BFSP2: variants seen among roughly 807,000 people sequenced by gnomAD.
BFSP2 encodes the protein phakinin.
In BFSP2, 38 loss-of-function variants were observed where a neutral mutation model predicts 44.9. The ratio of observed to expected loss-of-function variants is 0.85; its 90% CI spans 0.65 to 1.11. The LOEUF is 1.11. Among genes scored for constraint, BFSP2 ranks in the 50% least tolerant of loss-of-function variants. The probability of loss-of-function intolerance (pLI) is 0.00; values close to 1 mark genes in which losing one functional copy is unlikely to be tolerated. For synonymous variants in BFSP2, 197 were observed against 209.9 expected (o/e 0.94, Z 0.53); for missense variants, 525 against 533.0 (o/e 0.99, Z 0.15).
intron 5 of BFSP2, among the ~76,000 whole-genome samples, chr3:133,469,764 G>A (rs2074144961): frequency 6.6e-6 from 1 of 152,238 alleles, no homozygotes; most frequent in Admixed American, 6.5e-5. Flanking sequence ...CAGGGACTTA[G>A]GTGGGGAAGC....
intron 1 of BFSP2, among the ~76,000 whole-genome samples, chr3:133,426,064 T>C (rs2107899653): frequency 8.1e-6 from 1 of 123,044 alleles, no homozygotes; most frequent in Non-Finnish European, 1.8e-5. Context: ...TGTCAGATAT[T>C]GTTTTAAGTT....
At chr3:133,409,593 G>T (rs1284871719) in intron 1 of BFSP2, among the ~76,000 whole-genome samples, 1 of 152,092 alleles carries the variant, frequency 6.6e-6, no homozygotes, top group Non-Finnish European at 1.5e-5. Context: ...CAGGTTCGAG[G>T]ATAGGAAATA....
intron 1 of BFSP2, among the ~76,000 whole-genome samples, chr3:133,438,485 A>C (rs552130562): frequency 6.6e-6 from 1 of 152,300 alleles, no homozygotes; most frequent in South Asian, 2.1e-4. Context: ...CAGTGAGCTG[A>C]GATCACACCA....
rs542874414 is a variant in BFSP2, at chr3:133,422,210, A to G, written c.489+21638A>G. Among the ~76,000 whole-genome samples the G allele has an allele frequency of 4.6e-5, 7 of 151,974 alleles. No homozygotes were observed. In the East Asian group the frequency reaches 5.8e-4, roughly 13 times the overall value. On this transcript the variant is annotated intron_variant, in intron 1 of 6. Transcript: ENST00000302334. ...GAGAGTCCAAGAGAATGCTGTTCAT[A>G]TAGTAGAAACACAGTAAATGCCACT... is the stretch of plus-strand genomic sequence containing the variant.
rs1314574613 is a variant in BFSP2 at position 133,424,223 on chromosome 3, T to G, written c.490-23094T>G. On this transcript the variant is annotated intron_variant, in intron 1 of 6. Transcript: ENST00000302334. ...ACCGCGTCCAGCTAATTTTTTTTTTTTTTTTTTTTTTTTTTTTTGTATTTT... is the reference window on the plus strand; with the variant it reads ...ACCGCGTCCAGCTAATTTTTTTTTTGTTTTTTTTTTTTTTTTTTGTATTTT... 2.9e-3 allele frequency among the ~76,000 whole-genome samples: 302 copies of G among 103,914 alleles called. 8 individuals are homozygous for G. The highest frequency in any genetic ancestry group is 0.017 in the African/African-American group (288 of 16,950). 68.2% of individuals were successfully genotyped at this position (103,914 alleles called of 152,430 possible). A position where few individuals can be genotyped will look rare whatever the true frequency, so the allele number is the denominator to read the frequency against.
Position 133,450,255 on chromosome 3 carries a change from A to G in BFSP2, c.730-48A>G, listed in dbSNP as rs764361624. On this transcript the variant is annotated intron_variant, in intron 3 of 6. Transcript: ENST00000302334. The stretch of plus-strand genomic sequence containing the variant: ...TTTCTGCTGGCTAGAATTCTATGCC[A>G]TTTATTTCCCCCCGTAACTCATCTA... 5.0e-6 allele frequency: 8 copies of G among 1,607,158 alleles called. No individual in the cohort carries two copies. In the East Asian group the frequency reaches 1.6e-4, roughly 31 times the overall value.
chr3:133,462,237 C>T (rs1576595683), intron 4 of BFSP2, among the ~76,000 whole-genome samples: 1 of 134,162 alleles, frequency 7.5e-6, no homozygotes. Flanking sequence ...ATTTTAAACA[C>T]GTTTATTTGT....
intron 1 of BFSP2, among the ~76,000 whole-genome samples, chr3:133,417,446 C>T (rs1392048179): frequency 8.3e-6 from 1 of 121,138 alleles, no homozygotes; most frequent in African/African-American, 3.2e-5. Context: ...CACCCTCATC[C>T]TCTCCTCTCT....
At chr3:133,432,708 C>G (rs975033130) in intron 1 of BFSP2, among the ~76,000 whole-genome samples, 4 of 152,142 alleles carry the variant, frequency 2.6e-5, no homozygotes, top group African/African-American at 4.8e-5. Flanking sequence ...CATCGGTTAC[C>G]TACCTCGGCA....
chr3:133,424,217 T>A (rs1209161513), intron 1 of BFSP2, among the ~76,000 whole-genome samples: 33 of 99,114 alleles, frequency 3.3e-4, no homozygotes, highest in African/African-American at 1.5e-3. Context: ...AGCTAATTTT[T>A]TTTTTTTTTT....
At chr3:133,414,828 G>C in intron 1 of BFSP2, among the ~76,000 whole-genome samples, 1 of 42,722 alleles carries the variant, frequency 2.3e-5, no homozygotes. Context: ...TACCACGTCT[G>C]CTCTATTCAC....
chr3:133,462,036 G>A (rs6790868), intron 4 of BFSP2, among the ~76,000 whole-genome samples: 18,600 of 144,574 alleles, frequency 0.13, 1,179 homozygotes, highest in East Asian at 0.24. Flanking sequence ...TTTCTGCAGC[G>A]ATCTAGAATT....
At chr3:133,422,268 ACC>A (rs2073600339) in intron 1 of BFSP2, among the ~76,000 whole-genome samples, 1 of 152,076 alleles carries the variant, frequency 6.6e-6, no homozygotes, top group South Asian at 2.1e-4. Flanking sequence ...AAGTTACTCC[ACC>A]TCTCTCAGCC....
intron 1 of BFSP2, among the ~76,000 whole-genome samples, chr3:133,431,902 T>C (rs2073725125): frequency 6.6e-6 from 1 of 152,162 alleles, no homozygotes; most frequent in African/African-American, 2.4e-5. Context: ...CTTTAAATTA[T>C]CTGCTTCCCT....
intron 1 of BFSP2, among the ~76,000 whole-genome samples, chr3:133,437,046 A>G (rs2073792219): frequency 6.6e-6 from 1 of 152,238 alleles, no homozygotes; most frequent in Non-Finnish European, 1.5e-5. Context: ...TGCTATTGTG[A>G]ATAGTGCCAC....
chr3:133,412,735 C>T (rs1226695832), intron 1 of BFSP2, among the ~76,000 whole-genome samples: 1 of 152,210 alleles, frequency 6.6e-6, no homozygotes, highest in Non-Finnish European at 1.5e-5. Flanking sequence ...AGGCATACCT[C>T]GACACACAGC....
Position 133,400,319 on chromosome 3 carries a change from G to T in BFSP2, c.236G>T (p.Gly79Val), listed in dbSNP as rs1181834468. 1 of 1,613,982 alleles carries T rather than the reference G, an allele frequency of 6.2e-7. No homozygotes were observed. The highest frequency in any genetic ancestry group is 2.2e-5 in the East Asian group (1 of 44,878). The change falls in exon 1 of 7, where the codon GGC becomes GTC. Residue 79 changes from glycine to valine, a missense_variant. Transcript: ENST00000302334. The surrounding 1 kb of genome is among the most constrained non-coding windows in gnomAD (Gnocchi z 4.0). The part of the protein sequence containing the change: ...LGARVTRRAL[G>V]ISSVFLQGLR... The stretch of plus-strand genomic sequence containing the variant: ...GCCCGTGTGACCCGCCGGGCCCTCG[G>T]CATCAGCAGTGTCTTCCTTCAGGGC...
intron 1 of BFSP2, among the ~76,000 whole-genome samples, chr3:133,426,126 G>A (rs1293307191): frequency 6.6e-6 from 1 of 151,706 alleles, no homozygotes; most frequent in African/African-American, 2.4e-5. Context: ...TCTTTCTCTT[G>A]GGGACACTTT....
At chr3:133,402,985 A>G (rs2073374279) in intron 1 of BFSP2, among the ~76,000 whole-genome samples, 1 of 152,084 alleles carries the variant, frequency 6.6e-6, no homozygotes, top group African/African-American at 2.4e-5. Context: ...CCTTTCAGCC[A>G]TATTAAACTC....
Sources: gnomAD v4.1 joint callset for allele counts (sites outside exome capture counted in the v4.1 genomes callset) on GRCh38, gnomAD v4.1.1 for gene constraint, Gnocchi (gnomAD v3.1) non-coding constraint, MANE v1.5 for transcripts, NCBI Gene and HGNC (gene_info 2026-07-23, HGNC 2026-07-21) for gene names.